The following FOXN3 variants were observed in gnomAD, a reference collection of about 807,000 sequenced individuals.
The protein encoded by FOXN3 is forkhead box protein N3.
In FOXN3, 7 loss-of-function variants were observed where a neutral mutation model predicts 38.4. The observed-to-expected ratio is 0.18, with a 90% CI of 0.10 to 0.34. FOXN3 has a LOEUF of 0.34. Among genes scored for constraint, FOXN3 ranks in the 10% least tolerant of loss-of-function variants. The pLI, the probability that FOXN3 is intolerant of heterozygous loss-of-function variation, is 1.00. For synonymous variants in FOXN3, 230 were observed against 242.2 expected (o/e 0.95, Z 0.47); for missense variants, 456 against 613.4 (o/e 0.74, Z 2.71).
chr14:89,331,695 T>C (rs1888252398), intron 3 of FOXN3, among the ~76,000 whole-genome samples: 2 of 152,234 alleles, frequency 1.3e-5, no homozygotes, highest in African/African-American at 2.4e-5. Context: ...TAGTAACAAA[T>C]AGGCTTCATT....
chr14:89,369,109 T>TCCTGGATG, intron 2 of FOXN3, among the ~76,000 whole-genome samples: 1 of 152,300 alleles, frequency 6.6e-6, no homozygotes, highest in South Asian at 2.1e-4. Context: ...GCTTGATGCG[T>TCCTGGATG]TATCCAGGAA....
intron 4 of FOXN3, among the ~76,000 whole-genome samples, chr14:89,197,659 C>T (rs937163673): frequency 2.6e-5 from 4 of 152,182 alleles, no homozygotes; most frequent in Admixed American, 1.3e-4. Context: ...ATCCAGCTGC[C>T]TGAGGCCTGG....
rs1341073630 is a variant in FOXN3, at chr14:89,159,234, CT to C, written c.*3179del. ...ACAAACAGCCACATACACATTGATA[CT>C]TTTTGTTTTTGTTCTCAACAATCAA... On this transcript the variant is annotated 3_prime_UTR_variant, in exon 6 of 6. Coordinates refer to ENST00000557258, the MANE Select transcript of FOXN3 (RefSeq NM_005197.4). 3 of 152,582 alleles carry C rather than the reference CT, an allele frequency of 2.0e-5. No homozygotes were observed. Among genetic ancestry groups the C allele is most frequent in the Admixed American group, 2.0e-4 (3 of 15,280 alleles). The allele number at this position is 152,582 out of a possible 1,614,324, so 9.5% of individuals were successfully genotyped here. A position where few individuals can be genotyped will look rare whatever the true frequency, so the allele number is the denominator to read the frequency against.
chr14:89,333,836 T>A (rs1003413628), intron 3 of FOXN3, among the ~76,000 whole-genome samples: 4 of 148,346 alleles, frequency 2.7e-5, no homozygotes, highest in Admixed American at 6.7e-5. Flanking sequence ...GGAAATAAAG[T>A]CACTATTTCA....
At chr14:89,515,509 C>T (rs1197552474) in intron 1 of FOXN3, among the ~76,000 whole-genome samples, 10 of 151,728 alleles carry the variant, frequency 6.6e-5, no homozygotes, top group East Asian at 5.9e-4. Flanking sequence ...GTGGATCACC[C>T]GAGGTCAGGA....
chr14:89,356,947 G>A (rs1889254269), intron 2 of FOXN3, among the ~76,000 whole-genome samples: 1 of 152,208 alleles, frequency 6.6e-6, no homozygotes, highest in Non-Finnish European at 1.5e-5. Flanking sequence ...TAAATGGGCT[G>A]GAAGTGGCAA....
chr14:89,413,825 G>A (rs546153680), intron 1 of FOXN3, among the ~76,000 whole-genome samples: 6 of 141,790 alleles, frequency 4.2e-5, no homozygotes, highest in Non-Finnish European at 9.2e-5. Context: ...AAGGGAAAAG[G>A]AAGGGAAGGG....
chr14:89,419,089 A>G, upstream of FOXN3: 1 of 455,974 alleles, frequency 2.2e-6, no homozygotes, highest in South Asian at 1.5e-5. Context: ...TACATGGAAT[A>G]TGTCATTCCA....
chr14:89,618,344 G>A (rs561285507), intron 1 of FOXN3, among the ~76,000 whole-genome samples: 130 of 152,112 alleles, frequency 8.5e-4, no homozygotes, highest in Non-Finnish European at 1.6e-3. Flanking sequence ...TATAAACAAA[G>A]CATGAAAAAT....
At chr14:89,378,682 G>A (rs1295200434) in intron 2 of FOXN3, among the ~76,000 whole-genome samples, 4 of 150,638 alleles carry the variant, frequency 2.7e-5, no homozygotes, top group African/African-American at 9.7e-5. Context: ...GGGAAAATGA[G>A]GTCACATTGA....
At chr14:89,233,948 A>G (rs1884900060) in intron 4 of FOXN3, among the ~76,000 whole-genome samples, 1 of 152,226 alleles carries the variant, frequency 6.6e-6, no homozygotes, top group Non-Finnish European at 1.5e-5. Context: ...GGAATCAGAA[A>G]GAGCCTGTGC....
At chr14:89,554,357 G>C (rs1415220493) in intron 1 of FOXN3, among the ~76,000 whole-genome samples, 1 of 151,810 alleles carries the variant, frequency 6.6e-6, no homozygotes, top group Non-Finnish European at 1.5e-5. Context: ...GGCTGGTCTC[G>C]AACTCCTGAG....
rs553106287 is a variant in FOXN3, at chr14:89,514,379, C to T, written c.-14-101889G>A. On this transcript the variant is annotated intron_variant, in intron 1 of 6. Transcript: ENST00000345097. ...GACCTTAGCGTCTGTGATGGCAAACCGATGGCCATCCACACCTCCTTCCTA... is the reference window on the plus strand; with the variant it reads ...GACCTTAGCGTCTGTGATGGCAAACTGATGGCCATCCACACCTCCTTCCTA... Among the ~76,000 whole-genome samples the T allele has an allele frequency of 7.9e-5, 12 of 152,164 alleles. No individual in the cohort carries two copies. In the South Asian group the frequency reaches 1.7e-3, roughly 21 times the overall value.
intron 1 of FOXN3, among the ~76,000 whole-genome samples, chr14:89,552,791 G>A (rs561578257): frequency 1.3e-4 from 20 of 152,016 alleles, no homozygotes; most frequent in Admixed American, 4.6e-4. Flanking sequence ...CCCAGGAGAC[G>A]GAGGTCACAC....
chr14:89,574,525 T>A lies in FOXN3; in HGVS notation c.-15+44503A>T, dbSNP rs1895562183. Among the ~76,000 whole-genome samples the A allele has an allele frequency of 2.6e-5, 4 of 152,142 alleles. No homozygotes were observed. The South Asian group carries it at 8.3e-4, about 32-fold the overall frequency. On this transcript the variant is annotated intron_variant, in intron 1 of 6. Coordinates refer to the FOXN3 transcript ENST00000345097. ...ACAGGGAGGAGACCACTGAACTGAG[T>A]GCTTGAGGGAGCTTGGTGCCAGTCC... is the stretch of plus-strand genomic sequence containing the variant.
intron 4 of FOXN3, among the ~76,000 whole-genome samples, chr14:89,264,296 G>A (rs1312932006): frequency 6.6e-6 from 1 of 152,106 alleles, no homozygotes; most frequent in African/African-American, 2.4e-5. Context: ...CACAGCAGAA[G>A]GCGAAAGACA....
chr14:89,518,105 T>C (rs1894242193), intron 1 of FOXN3, among the ~76,000 whole-genome samples: 1 of 152,158 alleles, frequency 6.6e-6, no homozygotes, highest in Admixed American at 6.5e-5. Flanking sequence ...AGCTACTGCC[T>C]TCAAAGCAAT....
At chr14:89,375,200 A>G (rs1412534587) in intron 2 of FOXN3, among the ~76,000 whole-genome samples, 1 of 152,172 alleles carries the variant, frequency 6.6e-6, no homozygotes, top group Non-Finnish European at 1.5e-5. Context: ...AGAGGTATGT[A>G]CATATTAGTC....
At chr14:89,437,727 C>CT (rs1892300920) in intron 1 of FOXN3, among the ~76,000 whole-genome samples, 1 of 152,216 alleles carries the variant, frequency 6.6e-6, no homozygotes, top group Non-Finnish European at 1.5e-5. Context: ...CAACCAGCAG[C>CT]CATCAGGGCT....
Sources: allele counts gnomAD v4.1 joint callset (sites outside exome capture counted in the v4.1 genomes callset), GRCh38; gene constraint gnomAD v4.1.1; transcripts MANE v1.5; gene names NCBI Gene and HGNC (gene_info 2026-07-23, HGNC 2026-07-21).